Variants in IPCEF1 observed in about 807,000 individuals in gnomAD.
The protein encoded by IPCEF1 is interaction protein for cytohesin exchange factors 1.
A neutral mutation model predicts 50.9 loss-of-function variants in IPCEF1; 31 were observed. The ratio of observed to expected loss-of-function variants is 0.61; its 90% CI spans 0.46 to 0.82. IPCEF1 has a LOEUF of 0.82. Among genes scored for constraint, IPCEF1 ranks in the 40% least tolerant of loss-of-function variants. The pLI is 0.00. For missense variants in IPCEF1, 458 were observed against 514.0 expected (o/e 0.89, Z 1.05); for synonymous variants, 181 against 192.0 (o/e 0.94, Z 0.47).
intron 2 of IPCEF1, among the ~76,000 whole-genome samples, chr6:154,267,608 A>G (rs1781789842): frequency 6.6e-6 from 1 of 152,182 alleles, no homozygotes; most frequent in African/African-American, 2.4e-5. Flanking sequence ...CAAGATGAAG[A>G]GGAGCTTTAT....
At chr6:154,331,642 A>C (rs1443933898) in intron 1 of IPCEF1, among the ~76,000 whole-genome samples, 1 of 152,194 alleles carries the variant, frequency 6.6e-6, no homozygotes, top group Non-Finnish European at 1.5e-5. Context: ...ATAAGATCCC[A>C]GGCATTGGAG....
At chr6:154,256,341 G>A (rs139662958) in intron 3 of IPCEF1, among the ~76,000 whole-genome samples, 1,962 of 152,152 alleles carry the variant, frequency 0.013, 17 homozygotes, top group Middle Eastern at 0.034. Context: ...CAAAGGTTCC[G>A]CCTCCTAAAA....
intron 10 of IPCEF1, among the ~76,000 whole-genome samples, chr6:154,190,652 C>A (rs1256415845): frequency 6.6e-6 from 1 of 152,162 alleles, no homozygotes; most frequent in East Asian, 1.9e-4. Context: ...CAATTGTACT[C>A]ATTGCTATTT....
chr6:154,236,288 A>G (rs1327171125), intron 5 of IPCEF1, among the ~76,000 whole-genome samples: 1 of 152,236 alleles, frequency 6.6e-6, no homozygotes, highest in Non-Finnish European at 1.5e-5. Context: ...AAAATAGGCC[A>G]GTCACAAAAG....
At chr6:154,231,484 C>A (rs1248146462) in intron 5 of IPCEF1, among the ~76,000 whole-genome samples, 2 of 152,198 alleles carry the variant, frequency 1.3e-5, no homozygotes, top group East Asian at 1.9e-4. Flanking sequence ...GCAAAGAATG[C>A]AAATGTCTGT....
chr6:154,245,287 G>GAA (rs34710266), intron 5 of IPCEF1, among the ~76,000 whole-genome samples: 173 of 108,402 alleles, frequency 1.6e-3, no homozygotes, highest in African/African-American at 5.9e-3. Context: ...CAAATGCTTG[G>GAA]AAAAAAAAAA....
intron 1 of IPCEF1, among the ~76,000 whole-genome samples, chr6:154,319,151 T>C (rs1474075323): frequency 1.3e-5 from 2 of 152,188 alleles, no homozygotes; most frequent in Non-Finnish European, 2.9e-5. Flanking sequence ...TAAAATTCAT[T>C]CTGCTCTTTT....
intron 1 of IPCEF1, among the ~76,000 whole-genome samples, chr6:154,312,498 C>G (rs1480180780): frequency 6.6e-6 from 1 of 152,020 alleles, no homozygotes; most frequent in Non-Finnish European, 1.5e-5. Flanking sequence ...AGGCACGCAC[C>G]ACCACACCCG....
intron 1 of IPCEF1, among the ~76,000 whole-genome samples, chr6:154,294,466 G>T (rs1270161030): frequency 6.6e-6 from 1 of 152,188 alleles, no homozygotes; most frequent in Admixed American, 6.5e-5. Flanking sequence ...GTCAAGGCTG[G>T]AGGATTGTTT....
At chr6:154,311,452 A>T (rs2128680831) in intron 1 of IPCEF1, among the ~76,000 whole-genome samples, 1 of 152,248 alleles carries the variant, frequency 6.6e-6, no homozygotes, top group South Asian at 2.1e-4. Context: ...TGCTAATGGC[A>T]ACCAAATTCA....
At position 154,238,562 on chromosome 6, in the gene IPCEF1, G is replaced by A. The variant is rs540461752; in HGVS notation, c.246+8029C>T. On this transcript the variant is annotated intron_variant, in intron 5 of 11. Transcript: ENST00000367220. The stretch of plus-strand genomic sequence containing the variant: ...ATCATAGGCATGAGCCACTACACCC[G>A]GCCAAGCCTGTATGATCTTAATTCA... Among the ~76,000 whole-genome samples, 16 of 152,220 alleles carry A rather than the reference G, an allele frequency of 1.1e-4. No individual in the cohort carries two copies. The South Asian group carries it at 2.1e-3, about 20-fold the overall frequency.
intron 2 of IPCEF1, among the ~76,000 whole-genome samples, chr6:154,274,773 C>T (rs2128660212): frequency 6.6e-6 from 1 of 152,298 alleles, no homozygotes; most frequent in Non-Finnish European, 1.5e-5. Flanking sequence ...CTCAGAGCAC[C>T]CAGAGCCCAG....
intron 1 of IPCEF1, among the ~76,000 whole-genome samples, chr6:154,309,554 C>A (rs983834341): frequency 2.0e-5 from 3 of 152,068 alleles, no homozygotes; most frequent in Admixed American, 1.3e-4. Flanking sequence ...AGACCAATCC[C>A]TTCATTATGC....
At position 154,157,916 on chromosome 6, in the gene IPCEF1, T is replaced by C. The variant is rs1798780576; in HGVS notation, c.*1912A>G. 1 of 143,958 alleles carries C rather than the reference T, an allele frequency of 6.9e-6. No homozygotes were observed. Among genetic ancestry groups the C allele is most frequent in the African/African-American group, 3.0e-5 (1 of 33,734 alleles). 8.9% of individuals were successfully genotyped at this position (143,958 alleles called of 1,614,324 possible). The stretch of plus-strand genomic sequence containing the variant: ...GCAATCTGAGGATCTGAATGTTCTC[T>C]CTGTCAGGTCACCACAGGTCAAACT... On this transcript the variant is annotated 3_prime_UTR_variant, in exon 12 of 12. Coordinates refer to ENST00000367220, the MANE Select transcript of IPCEF1 (RefSeq NM_001130700.2).
At chr6:154,295,202 A>G (rs971743148) in intron 1 of IPCEF1, among the ~76,000 whole-genome samples, 1 of 152,184 alleles carries the variant, frequency 6.6e-6, no homozygotes, top group Non-Finnish European at 1.5e-5. Context: ...CATCTCAAAA[A>G]AAAAAATACT....
At chr6:154,311,298 C>T (rs1783072603) in intron 1 of IPCEF1, among the ~76,000 whole-genome samples, 1 of 152,134 alleles carries the variant, frequency 6.6e-6, no homozygotes, top group Admixed American at 6.5e-5. Flanking sequence ...TTCAGTACTC[C>T]ACTTTCTGCC....
At position 154,353,397 on chromosome 6, in the gene IPCEF1, T is replaced by G. The variant is rs373975164; in HGVS notation, c.-62+3275A>C. ...GCGCCTCCCGGATTCAAGTGGTTCT[T>G]GTGCCTCAGCCTCTTGAGTAGCTGG... On this transcript the variant is annotated intron_variant, in intron 1 of 11. Coordinates refer to ENST00000367220, the MANE Select transcript of IPCEF1 (RefSeq NM_001130700.2). 8.6e-5 allele frequency among the ~76,000 whole-genome samples: 13 copies of G among 151,852 alleles called. No homozygotes were observed. The East Asian group carries it at 2.5e-3, about 29-fold the overall frequency.
intron 1 of IPCEF1, among the ~76,000 whole-genome samples, chr6:154,314,697 C>T (rs1420478658): frequency 6.6e-6 from 1 of 151,912 alleles, no homozygotes; most frequent in Non-Finnish European, 1.5e-5. Context: ...CATGAAAAAC[C>T]GAACACTCTA....
chr6:154,294,234 G>A (rs1782581796), intron 1 of IPCEF1, among the ~76,000 whole-genome samples: 1 of 152,174 alleles, frequency 6.6e-6, no homozygotes, highest in African/African-American at 2.4e-5. Context: ...CACTTCAGGT[G>A]TAATCTAACC....
Sources: gnomAD v4.1 joint callset for allele counts (sites outside exome capture counted in the v4.1 genomes callset) on GRCh38, gnomAD v4.1.1 for gene constraint, MANE v1.5 for transcripts, NCBI Gene and HGNC (gene_info 2026-07-23, HGNC 2026-07-21) for gene names.